Variants in LHFPL3 observed in about 807,000 individuals in gnomAD.
LHFPL3 encodes LHFPL tetraspan subfamily member 3 protein.
Under a neutral mutation model 19.3 loss-of-function variants are expected in LHFPL3, and 5 were observed. The observed-to-expected ratio is 0.26, with a 90% CI of 0.14 to 0.54. LHFPL3 has a LOEUF of 0.54. Among genes scored for constraint, LHFPL3 ranks in the 20% least tolerant of loss-of-function variants. The pLI is 0.94. For synonymous variants in LHFPL3, 133 were observed against 126.2 expected (o/e 1.05, Z -0.36); for missense variants, 249 against 307.4 (o/e 0.81, Z 1.42).
intron 1 of LHFPL3, among the ~76,000 whole-genome samples, chr7:104,416,086 T>A (rs1791616220): frequency 6.6e-6 from 1 of 152,204 alleles, no homozygotes; most frequent in African/African-American, 2.4e-5. Flanking sequence ...AAGATAAGTT[T>A]ACACTGCAGT....
rs1055942343 is a variant in LHFPL3 at position 104,468,644 on chromosome 7, G to T, written c.445+139420G>T. ...AATGACAAATTTCCCAAAGTAGAAA[G>T]GTCTTGTATAAACCTTTTTTTTTTT... On this transcript the variant is annotated intron_variant, in intron 1 of 2. Coordinates refer to ENST00000424859, the MANE Select transcript of LHFPL3 (RefSeq NM_199000.3). 2.7e-5 allele frequency among the ~76,000 whole-genome samples: 4 copies of T among 148,676 alleles called. No homozygotes were observed. The Admixed American group carries it at 2.7e-4, about 10-fold the overall frequency.
chr7:104,659,462 C>T (rs1276486671), intron 1 of LHFPL3, among the ~76,000 whole-genome samples: 1 of 152,164 alleles, frequency 6.6e-6, no homozygotes, highest in African/African-American at 2.4e-5. Flanking sequence ...CAAGGCTGCC[C>T]CAGCAGGGCA....
intron 1 of LHFPL3, among the ~76,000 whole-genome samples, chr7:104,577,638 G>A (rs1291274501): frequency 6.6e-6 from 1 of 152,062 alleles, no homozygotes; most frequent in Non-Finnish European, 1.5e-5. Flanking sequence ...TTCCCCTAGT[G>A]TCACTCTGAT....
intron 1 of LHFPL3, among the ~76,000 whole-genome samples, chr7:104,627,224 A>T (rs1025673931): frequency 9.2e-5 from 14 of 152,100 alleles, no homozygotes; most frequent in African/African-American, 2.9e-4. Flanking sequence ...ATCATGCGGT[A>T]TTTGACTTTC....
At chr7:104,351,825 G>A (rs941034724) in intron 1 of LHFPL3, among the ~76,000 whole-genome samples, 1 of 152,112 alleles carries the variant, frequency 6.6e-6, no homozygotes, top group Admixed American at 6.5e-5. Context: ...GCACCCTCCT[G>A]TCCTGACCAT....
intron 1 of LHFPL3, among the ~76,000 whole-genome samples, chr7:104,567,453 G>A (rs1238771409): frequency 2.0e-5 from 3 of 152,192 alleles, no homozygotes; most frequent in Non-Finnish European, 4.4e-5. Flanking sequence ...TTCTTTGAAT[G>A]TACTGGCATC....
intron 1 of LHFPL3, among the ~76,000 whole-genome samples, chr7:104,445,211 T>G (rs538303341): frequency 3.9e-5 from 6 of 152,322 alleles, no homozygotes; most frequent in African/African-American, 1.4e-4. Flanking sequence ...AAGTGCCTTA[T>G]GTTATGAAAA....
At chr7:104,660,266 G>A (rs1562960053) in intron 1 of LHFPL3, among the ~76,000 whole-genome samples, 1 of 152,200 alleles carries the variant, frequency 6.6e-6, no homozygotes, top group African/African-American at 2.4e-5. Flanking sequence ...CTCCCAAAGT[G>A]CTGGGATTAC....
chr7:104,750,602 G>A (rs1245976872), intron 2 of LHFPL3, among the ~76,000 whole-genome samples: 1 of 152,224 alleles, frequency 6.6e-6, no homozygotes, highest in Non-Finnish European at 1.5e-5. Context: ...TCAGGCAGTG[G>A]GCCATATACC....
intron 1 of LHFPL3, among the ~76,000 whole-genome samples, chr7:104,727,034 A>G (rs890917891): frequency 1.3e-5 from 2 of 152,182 alleles, no homozygotes; most frequent in African/African-American, 4.8e-5. Flanking sequence ...TCTGACTGGC[A>G]TGAGAAGCAT....
chr7:104,563,305 C>A (rs1430630580), intron 1 of LHFPL3, among the ~76,000 whole-genome samples: 1 of 152,266 alleles, frequency 6.6e-6, no homozygotes, highest in Admixed American at 6.5e-5. Flanking sequence ...GCAGTTTGAT[C>A]TCAGACTGCT....
At chr7:104,814,962 T>C (rs1176273284) in intron 2 of LHFPL3, among the ~76,000 whole-genome samples, 1 of 152,096 alleles carries the variant, frequency 6.6e-6, no homozygotes, top group Non-Finnish European at 1.5e-5. Flanking sequence ...GATGCCTGGG[T>C]CCATAGCTGC....
chr7:104,564,446 G>A (rs1790080093), intron 1 of LHFPL3, among the ~76,000 whole-genome samples: 1 of 152,172 alleles, frequency 6.6e-6, no homozygotes, highest in African/African-American at 2.4e-5. Context: ...TATTTACTGA[G>A]GGCCTGTGGT....
Position 104,329,139 on chromosome 7 carries a change from T to G in LHFPL3, c.360T>G (p.Ile120Met). The change falls in exon 1 of 3, where the codon ATT becomes ATG. Residue 120 changes from isoleucine to methionine, a missense_variant. Coordinates refer to ENST00000424859, the MANE Select transcript of LHFPL3 (RefSeq NM_199000.3). ...TCGGCCTCTCCATGATGCTCATCATTGCCTGCATCATTTGCTTTACCCTCT... is the reference window on the plus strand; with the variant it reads ...TCGGCCTCTCCATGATGCTCATCATGGCCTGCATCATTTGCTTTACCCTCT... ...FFIGLSMMLI[I>M]ACIICFTLFF... 6.2e-7 allele frequency: 1 copy of G among 1,614,058 alleles called. No homozygotes were observed. The highest frequency in any genetic ancestry group is 8.5e-7 in the Non-Finnish European group (1 of 1,179,888).
chr7:104,329,280 G>A (rs2116338713), intron 1 of LHFPL3, 56 bp downstream of exon 1: 7 of 1,539,212 alleles, frequency 4.5e-6, no homozygotes, highest in South Asian at 2.5e-5. Flanking sequence ...CCGAGCCGGG[G>A]AGGGGCCAGA....
chr7:104,410,007 A>G (rs1019790545), intron 1 of LHFPL3, among the ~76,000 whole-genome samples: 2 of 152,158 alleles, frequency 1.3e-5, no homozygotes, highest in Non-Finnish European at 2.9e-5. Flanking sequence ...TTTGATCTTT[A>G]TCTGAAATTA....
chr7:104,861,473 G>A (rs540862659), intron 2 of LHFPL3, among the ~76,000 whole-genome samples: 4 of 152,314 alleles, frequency 2.6e-5, no homozygotes, highest in East Asian at 3.9e-4. Flanking sequence ...GGGAGAAGCA[G>A]CTATTTCCAC....
chr7:104,479,779 C>G (rs1035511957), intron 1 of LHFPL3, among the ~76,000 whole-genome samples: 1 of 152,220 alleles, frequency 6.6e-6, no homozygotes, highest in Admixed American at 6.5e-5. Context: ...CTGCAAGATT[C>G]TTGAGGCTTC....
At chr7:104,849,301 G>C (rs1791370733) in intron 2 of LHFPL3, among the ~76,000 whole-genome samples, 1 of 152,162 alleles carries the variant, frequency 6.6e-6, no homozygotes, top group Admixed American at 6.5e-5. Flanking sequence ...TCTAGATTTG[G>C]CCAGGCCTTC....
Sources: allele counts gnomAD v4.1 joint callset (sites outside exome capture counted in the v4.1 genomes callset), GRCh38; gene constraint gnomAD v4.1.1; transcripts MANE v1.5; gene names NCBI Gene and HGNC (gene_info 2026-07-23, HGNC 2026-07-21).